Variants in GPR89B observed in about 807,000 individuals in gnomAD.
The protein encoded by GPR89B is golgi pH regulator B.
Under a neutral mutation model 52.4 loss-of-function variants are expected in GPR89B, and 25 were observed. The observed-to-expected ratio is 0.48, with a 90% confidence interval of 0.35 to 0.67. The LOEUF is 0.67. Among genes scored for constraint, GPR89B ranks in the 30% least tolerant of loss-of-function variants. The probability of loss-of-function intolerance (pLI) is 0.01; values close to 1 mark genes in which losing one functional copy is unlikely to be tolerated. For missense variants in GPR89B, 146 were observed against 450.2 expected (o/e 0.32, Z 6.11); for synonymous variants, 52 against 151.2 (o/e 0.34, Z 4.81).
At chr1:147,985,638 T>G (rs1289654994) in intron 10 of GPR89B, among the ~76,000 whole-genome samples, 2 of 149,832 alleles carry the variant, frequency 1.3e-5, no homozygotes, top group East Asian at 3.9e-4. Flanking sequence ...ATGTGGTTGT[T>G]TTTTTTTTTA....
chr1:147,978,694 G>A (rs1444050121), intron 10 of GPR89B, among the ~76,000 whole-genome samples: 1 of 151,772 alleles, frequency 6.6e-6, no homozygotes, highest in Non-Finnish European at 1.5e-5. Flanking sequence ...TTTCTGCAGG[G>A]AGGCCTCGCC....
At chr1:147,990,123 C>T (rs1254510300) in intron 12 of GPR89B, among the ~76,000 whole-genome samples, 2 of 152,188 alleles carry the variant, frequency 1.3e-5, no homozygotes, top group African/African-American at 4.8e-5. Context: ...TCTCCAGCAC[C>T]TGTTGTTTCC....
At chr1:147,981,509 A>T (rs1448381118) in intron 10 of GPR89B, among the ~76,000 whole-genome samples, 1 of 148,598 alleles carries the variant, frequency 6.7e-6, no homozygotes, top group Non-Finnish European at 1.5e-5. Context: ...TAAAAAAAAA[A>T]TTCATATTTT....
chr1:148,019,168 G>A, the GPR89B span, among the ~76,000 whole-genome samples: 4 of 150,466 alleles, frequency 2.7e-5, no homozygotes, highest in Admixed American at 2.6e-4. Context: ...GTAGAGATGG[G>A]GTTTCACCAT....
chr1:147,947,227 C>G (rs587684141), intron 5 of GPR89B, among the ~76,000 whole-genome samples: 1 of 152,098 alleles, frequency 6.6e-6, no homozygotes, highest in South Asian at 2.1e-4. Flanking sequence ...CCCAGCTACT[C>G]CCCGGAGGCC....
chr1:148,019,461 T>G, the GPR89B span, among the ~76,000 whole-genome samples: 16,066 of 151,462 alleles, frequency 0.11, 1,236 homozygotes, highest in African/African-American at 0.2. Context: ...TCAGAAAGAG[T>G]AGCTAATGGA....
the GPR89B span, among the ~76,000 whole-genome samples, chr1:148,018,965 CTAT>C: frequency 1.1e-4 from 16 of 150,166 alleles, 1 homozygote; most frequent in South Asian, 6.3e-4. Flanking sequence ...TGCACCCAGC[CTAT>C]TATTATTATT....
intron 5 of GPR89B, among the ~76,000 whole-genome samples, chr1:147,947,943 A>G (rs1655145350): frequency 6.6e-6 from 1 of 152,262 alleles, no homozygotes; most frequent in Non-Finnish European, 1.5e-5. Flanking sequence ...CATTACACAA[A>G]TATTTATTGA....
chr1:147,937,736 T>C (rs1336635216), intron 2 of GPR89B, among the ~76,000 whole-genome samples: 1 of 152,184 alleles, frequency 6.6e-6, no homozygotes, highest in African/African-American at 2.4e-5. Flanking sequence ...CCCTGAAAAT[T>C]GCTGTTATTC....
the GPR89B span, chr1:148,012,026 A>G: frequency 6.6e-6 from 1 of 152,100 alleles, no homozygotes; most frequent in Non-Finnish European, 1.5e-5. Flanking sequence ...GAAGATCAGC[A>G]ACGTTTGGAG....
intron 7 of GPR89B, among the ~76,000 whole-genome samples, chr1:147,962,178 C>G (rs1214983335): frequency 0.011 from 1,610 of 151,604 alleles, 10 homozygotes; most frequent in Non-Finnish European, 0.016. Flanking sequence ...AATCCCAGCA[C>G]TTTGGGAGGC....
At chr1:147,948,257 T>G (rs1222999753) in intron 5 of GPR89B, among the ~76,000 whole-genome samples, 3 of 152,122 alleles carry the variant, frequency 2.0e-5, no homozygotes, top group African/African-American at 7.2e-5. Flanking sequence ...AGAGACATCA[T>G]GTAAAGCCCT....
chr1:147,971,304 C>T (rs1657446977), intron 10 of GPR89B, among the ~76,000 whole-genome samples: 1 of 151,554 alleles, frequency 6.6e-6, no homozygotes, highest in African/African-American at 2.4e-5. Context: ...CACGCACCGC[C>T]ACGCCCAGCT....
chr1:147,978,273 G>T (rs1657985116), intron 10 of GPR89B, among the ~76,000 whole-genome samples: 3 of 152,042 alleles, frequency 2.0e-5, no homozygotes, highest in South Asian at 2.1e-4. Context: ...ATTTGTTGGG[G>T]GTCGAATCCA....
At chr1:147,951,453 A>G (rs1655682909) in intron 5 of GPR89B, among the ~76,000 whole-genome samples, 2 of 152,070 alleles carry the variant, frequency 1.3e-5, no homozygotes, top group South Asian at 4.1e-4. Flanking sequence ...AAAAGTGACA[A>G]TAACTATAAA....
Position 147,958,767 on chromosome 1 carries a change from C to CA in GPR89B, c.617+4366dup, listed in dbSNP as rs1157746144. Among the ~76,000 whole-genome samples, 5 of 152,054 alleles carry CA rather than the reference C, an allele frequency of 3.3e-5. No homozygotes were observed. In the East Asian group the frequency reaches 9.7e-4, roughly 29 times the overall value. On this transcript the variant is annotated intron_variant, in intron 7 of 13. Coordinates refer to ENST00000314163, the MANE Select transcript of GPR89B (RefSeq NM_016334.5). Reference sequence around the variant, plus strand: ...ACTATAGCCCATTTCCCCTATAATGCATTGTCTGGTCAGGATCAGGAATGG... The same window carrying CA: ...ACTATAGCCCATTTCCCCTATAATGCAATTGTCTGGTCAGGATCAGGAATGG...
intron 12 of GPR89B, among the ~76,000 whole-genome samples, chr1:147,990,175 A>G (rs1658957625): frequency 6.6e-6 from 1 of 152,138 alleles, no homozygotes; most frequent in Non-Finnish European, 1.5e-5. Context: ...GTGTGATGGT[A>G]TCTCATTGTG....
intron 11 of GPR89B, among the ~76,000 whole-genome samples, chr1:147,987,172 T>C (rs1201033741): frequency 2.0e-5 from 3 of 152,134 alleles, no homozygotes; most frequent in African/African-American, 7.2e-5. Context: ...TGTATCCTCT[T>C]TGAGTGTGAA....
the GPR89B span, among the ~76,000 whole-genome samples, chr1:148,017,746 T>TA: frequency 6.3e-3 from 906 of 143,432 alleles, 10 homozygotes; most frequent in African/African-American, 0.013. Context: ...TCAAAATAAA[T>TA]AAATAAAATA....
Sources: gnomAD v4.1 joint callset for allele counts (sites outside exome capture counted in the v4.1 genomes callset) on GRCh38, gnomAD v4.1.1 for gene constraint, MANE v1.5 for transcripts, NCBI Gene and HGNC (gene_info 2026-07-23, HGNC 2026-07-21) for gene names.